The following LRRC4C variants were observed in gnomAD, a reference collection of about 807,000 sequenced individuals.
The protein encoded by LRRC4C is leucine-rich repeat-containing protein 4C.
LRRC4C carries 5 observed loss-of-function variants against 33.6 expected under a neutral mutation model. That is an observed-to-expected ratio of 0.15 (90% confidence interval 0.08 to 0.31). The LOEUF is 0.31. Among genes scored for constraint, LRRC4C ranks in the 10% least tolerant of loss-of-function variants. The pLI is 1.00. For missense variants in LRRC4C, 560 were observed against 796.7 expected (o/e 0.70, Z 3.58); for synonymous variants, 329 against 302.0 (o/e 1.09, Z -0.93).
chr11:40,952,857 C>T (rs914128767), intron 1 of LRRC4C, among the ~76,000 whole-genome samples: 1 of 96,778 alleles, frequency 1.0e-5, no homozygotes, highest in East Asian at 3.4e-4. Context: ...CAAACACACA[C>T]ACACACACAC....
In LRRC4C at chr11:40,354,805, A is replaced by C. The variant is rs551149522; in HGVS notation, c.-269-35084T>G. ...GCCAAGGTCTGAACCTGAGGACTCC[A>C]GGAGCCCATTTAGTGCTCTACCCTA... On this transcript the variant is annotated intron_variant, in intron 3 of 6. Coordinates refer to ENST00000528697, the MANE Select transcript of LRRC4C (RefSeq NM_001258419.2). Among the ~76,000 whole-genome samples, 6 of 152,248 alleles carry C rather than the reference A, an allele frequency of 3.9e-5. No individual in the cohort carries two copies. The South Asian group carries it at 1.2e-3, about 32-fold the overall frequency.
At chr11:41,400,746 T>C (rs1953994966) in intron 1 of LRRC4C, among the ~76,000 whole-genome samples, 1 of 151,904 alleles carries the variant, frequency 6.6e-6, no homozygotes, top group African/African-American at 2.4e-5. Context: ...TCACTAGTTT[T>C]GTGTCCATAT....
At chr11:40,435,774 C>T (rs1407487665) in intron 3 of LRRC4C, among the ~76,000 whole-genome samples, 2 of 152,068 alleles carry the variant, frequency 1.3e-5, no homozygotes, top group Non-Finnish European at 2.9e-5. Flanking sequence ...AACTATTAAC[C>T]CGAGTGTTGT....
intron 1 of LRRC4C, among the ~76,000 whole-genome samples, chr11:41,077,831 T>C (rs911645031): frequency 2.0e-5 from 3 of 152,240 alleles, no homozygotes; most frequent in African/African-American, 7.2e-5. Context: ...CAAACGTTTA[T>C]GCTCTGCTTC....
intron 1 of LRRC4C, among the ~76,000 whole-genome samples, chr11:40,950,145 C>G (rs1172259770): frequency 6.6e-6 from 1 of 152,002 alleles, no homozygotes; most frequent in Non-Finnish European, 1.5e-5. Flanking sequence ...CCCACCCACC[C>G]CTCCTCAGAA....
intron 5 of LRRC4C, among the ~76,000 whole-genome samples, chr11:40,148,997 G>C (rs975551701): frequency 3.3e-5 from 5 of 152,104 alleles, no homozygotes; most frequent in African/African-American, 1.2e-4. Context: ...TTGTAGGAGT[G>C]CAGCATTACT....
At chr11:41,163,978 A>G (rs917888165) in intron 1 of LRRC4C, among the ~76,000 whole-genome samples, 1 of 152,160 alleles carries the variant, frequency 6.6e-6, no homozygotes, top group African/African-American at 2.4e-5. Context: ...GTACATATTT[A>G]TGGGGTACAG....
chr11:40,947,921 TTAA>T (rs1958482501), intron 1 of LRRC4C, among the ~76,000 whole-genome samples: 1 of 152,182 alleles, frequency 6.6e-6, no homozygotes, highest in South Asian at 2.1e-4. Flanking sequence ...GTTTCTCAAT[TTAA>T]TATTCAATGG....
intron 1 of LRRC4C, among the ~76,000 whole-genome samples, chr11:41,298,203 G>C (rs1310722293): frequency 2.0e-5 from 3 of 152,132 alleles, no homozygotes; most frequent in Admixed American, 6.5e-5. Flanking sequence ...CGCTGCCTCA[G>C]TTTGTCAACA....
chr11:40,114,294 A>G lies in LRRC4C; in HGVS notation c.*76T>C. On this transcript the variant is annotated 3_prime_UTR_variant, in exon 7 of 7. Coordinates refer to ENST00000528697, the MANE Select transcript of LRRC4C (RefSeq NM_001258419.2). Reference sequence around the variant, plus strand: ...GACACTTTTTTGAAACAGTAGATTTAGCCCAGTCATTTGTGTCATTTTTAA... The same window carrying G: ...GACACTTTTTTGAAACAGTAGATTTGGCCCAGTCATTTGTGTCATTTTTAA... 3 of 1,414,414 alleles carry G rather than the reference A, an allele frequency of 2.1e-6. No individual in the cohort carries two copies. Among genetic ancestry groups the G allele is most frequent in the Non-Finnish European group, 2.8e-6 (3 of 1,059,626 alleles). The allele number at this position is 1,414,414 out of a possible 1,614,324, so 87.6% of individuals were successfully genotyped here. A position where few individuals can be genotyped will look rare whatever the true frequency, so the allele number is the denominator to read the frequency against.
intron 5 of LRRC4C, among the ~76,000 whole-genome samples, chr11:40,165,039 T>G (rs933699081): frequency 6.6e-6 from 1 of 152,216 alleles, no homozygotes; most frequent in Non-Finnish European, 1.5e-5. Context: ...AGATTGGTAT[T>G]TATTGAAGAA....
At chr11:40,141,111 T>C (rs1436590000) in intron 5 of LRRC4C, among the ~76,000 whole-genome samples, 1 of 152,148 alleles carries the variant, frequency 6.6e-6, no homozygotes, top group Non-Finnish European at 1.5e-5. Context: ...TCTTATTAGA[T>C]ACATGACCTT....
intron 3 of LRRC4C, among the ~76,000 whole-genome samples, chr11:40,571,075 G>A (rs1020992288): frequency 4.0e-5 from 6 of 151,898 alleles, no homozygotes; most frequent in African/African-American, 1.5e-4. Context: ...TCTCTCTTTT[G>A]TAGCTAAAGA....
intron 3 of LRRC4C, among the ~76,000 whole-genome samples, chr11:40,479,000 T>C (rs1000758282): frequency 1.3e-5 from 2 of 152,224 alleles, no homozygotes; most frequent in African/African-American, 4.8e-5. Context: ...TGCCTTATTA[T>C]ACAAAATGAT....
At chr11:40,873,574 C>A (rs1301938537) in intron 2 of LRRC4C, among the ~76,000 whole-genome samples, 2 of 152,054 alleles carry the variant, frequency 1.3e-5, no homozygotes, top group Non-Finnish European at 2.9e-5. Context: ...AACAGGGGAG[C>A]CAATGGAATT....
At chr11:40,712,717 C>T (rs1946527516) in intron 2 of LRRC4C, among the ~76,000 whole-genome samples, 1 of 152,016 alleles carries the variant, frequency 6.6e-6, no homozygotes, top group Non-Finnish European at 1.5e-5. Flanking sequence ...AAAACCTTTA[C>T]AAAGAGATTT....
intron 1 of LRRC4C, among the ~76,000 whole-genome samples, chr11:41,129,568 T>C (rs533064129): frequency 2.0e-4 from 31 of 152,162 alleles, no homozygotes; most frequent in Middle Eastern, 3.4e-3. Flanking sequence ...AAAATTCAAA[T>C]GGATTCTTCA....
At chr11:41,224,131 A>G (rs1947423340) in intron 1 of LRRC4C, among the ~76,000 whole-genome samples, 1 of 152,162 alleles carries the variant, frequency 6.6e-6, no homozygotes, top group African/African-American at 2.4e-5. Context: ...AATGTAAAAG[A>G]GAAGATAAAA....
intron 1 of LRRC4C, among the ~76,000 whole-genome samples, chr11:41,265,871 C>A (rs75911384): frequency 1.4e-5 from 1 of 69,816 alleles, no homozygotes; most frequent in African/African-American, 3.9e-5. Context: ...TGGGTCTTTT[C>A]TTTTTTTAAA....
Sources: allele counts gnomAD v4.1 joint callset (sites outside exome capture counted in the v4.1 genomes callset), GRCh38; gene constraint gnomAD v4.1.1; transcripts MANE v1.5; gene names NCBI Gene and HGNC (gene_info 2026-07-23, HGNC 2026-07-21).